MCC: variants seen among roughly 807,000 people sequenced by gnomAD.
MCC encodes the protein colorectal mutant cancer protein.
MCC carries 90 observed loss-of-function variants against 116.2 expected under a neutral mutation model. The observed-to-expected ratio is 0.77, with a 90% CI of 0.65 to 0.92. The LOEUF is 0.92. Among genes scored for constraint, MCC ranks in the 40% least tolerant of loss-of-function variants. The pLI, the probability that MCC is intolerant of heterozygous loss-of-function variation, is 0.00. For synonymous variants in MCC, 578 were observed against 510.5 expected (o/e 1.13, Z -1.78); for missense variants, 1,516 against 1,312.2 (o/e 1.16, Z -2.40).
intron 17 of MCC, among the ~76,000 whole-genome samples, chr5:113,038,552 G>A (rs924919178): frequency 8.5e-5 from 13 of 152,276 alleles, no homozygotes; most frequent in Middle Eastern, 3.4e-3. Context: ...GGGAACATCC[G>A]GATCCATTTT....
chr5:113,127,212 T>C (rs189073070), intron 5 of MCC, among the ~76,000 whole-genome samples: 1 of 152,372 alleles, frequency 6.6e-6, no homozygotes, highest in East Asian at 1.9e-4. Context: ...TAGTATTCCA[T>C]GGTATATACG....
intron 1 of MCC, among the ~76,000 whole-genome samples, chr5:113,407,440 T>C (rs893176626): frequency 6.6e-6 from 1 of 152,206 alleles, no homozygotes; most frequent in Non-Finnish European, 1.5e-5. Context: ...TACAACTGCA[T>C]CTGCAAAAAC....
intron 1 of MCC, among the ~76,000 whole-genome samples, chr5:113,465,352 T>C (rs1177591570): frequency 2.6e-5 from 4 of 152,114 alleles, no homozygotes; most frequent in African/African-American, 9.7e-5. Flanking sequence ...TTTTCTATCA[T>C]GTGCTAAAAA....
At chr5:113,123,564 C>A (rs537993485) in intron 5 of MCC, among the ~76,000 whole-genome samples, 1 of 152,182 alleles carries the variant, frequency 6.6e-6, no homozygotes, top group African/African-American at 2.4e-5. Context: ...CTCTTCTCAG[C>A]CCTTCAGAGG....
intron 3 of MCC, among the ~76,000 whole-genome samples, chr5:113,292,470 T>C (rs896129275): frequency 6.6e-6 from 1 of 152,210 alleles, no homozygotes; most frequent in Admixed American, 6.5e-5. Flanking sequence ...TTATGTCATA[T>C]ACTGCTCAAA....
rs117097427 is a variant in MCC at position 113,112,895 on chromosome 5, T to C, written c.1028-8540A>G. On this transcript the variant is annotated intron_variant, in intron 6 of 18. Transcript: ENST00000408903. Reference sequence around the variant, plus strand: ...AATCCAGTGTCAAATTTAAAACCTATCAAATGACATTATCACAGCCTGCTA... The same window carrying C: ...AATCCAGTGTCAAATTTAAAACCTACCAAATGACATTATCACAGCCTGCTA... Among the ~76,000 whole-genome samples, 32 of 152,306 alleles carry C rather than the reference T, an allele frequency of 2.1e-4. No homozygotes were observed. The East Asian group carries it at 5.4e-3, about 26-fold the overall frequency.
intron 3 of MCC, among the ~76,000 whole-genome samples, chr5:113,287,902 A>G (rs1483009939): frequency 2.6e-5 from 4 of 152,342 alleles, no homozygotes; most frequent in South Asian, 2.1e-4. Context: ...AAGCTTCCCA[A>G]TTGGTCAAAG....
chr5:113,103,186 A>G (rs939678326), intron 7 of MCC, among the ~76,000 whole-genome samples: 2 of 152,248 alleles, frequency 1.3e-5, no homozygotes, highest in Non-Finnish European at 1.5e-5. Flanking sequence ...ACTAAAAAAC[A>G]TAAGGGTACA....
intron 2 of MCC, among the ~76,000 whole-genome samples, chr5:113,367,904 C>A (rs1353718841): frequency 6.6e-6 from 1 of 152,096 alleles, no homozygotes; most frequent in Admixed American, 6.5e-5. Flanking sequence ...GACACTGCAA[C>A]CTTGCTTATC....
chr5:113,038,100 C>T (rs1487891317), intron 17 of MCC, among the ~76,000 whole-genome samples: 1 of 152,048 alleles, frequency 6.6e-6, no homozygotes, highest in African/African-American at 2.4e-5. Flanking sequence ...GGAATTATGA[C>T]CTGCTGACGA....
Position 113,335,462 on chromosome 5 carries a change from G to A in MCC, c.627+5057C>T, listed in dbSNP as rs558429984. Among the ~76,000 whole-genome samples, 2 of 151,714 alleles carry A rather than the reference G, an allele frequency of 1.3e-5. 1 individual carries two copies. The highest frequency in any genetic ancestry group is 4.9e-5 in the African/African-American group (2 of 41,070). On this transcript the variant is annotated intron_variant, in intron 3 of 18. Coordinates refer to ENST00000408903, the MANE Select transcript of MCC (RefSeq NM_001085377.2). ...TATCTAGACATTGCTATTTCATTCA[G>A]GAATTTATCTCTGCTGTATCTAGAA...
intron 14 of MCC, among the ~76,000 whole-genome samples, chr5:113,060,709 T>C (rs959273206): frequency 3.3e-5 from 5 of 152,264 alleles, no homozygotes; most frequent in Admixed American, 3.3e-4. Flanking sequence ...TCCATGTCTA[T>C]ACCTTGTTCT....
At chr5:113,373,061 C>T (rs1768877811) in intron 2 of MCC, among the ~76,000 whole-genome samples, 1 of 151,994 alleles carries the variant, frequency 6.6e-6, no homozygotes, top group South Asian at 2.1e-4. Flanking sequence ...CACCTGTAGT[C>T]TCAGCTACTC....
intron 1 of MCC, among the ~76,000 whole-genome samples, chr5:113,466,939 G>A (rs1305478762): frequency 6.6e-6 from 1 of 152,252 alleles, no homozygotes; most frequent in East Asian, 1.9e-4. Flanking sequence ...GGCCAGTGAT[G>A]ATGAGCACTT....
chr5:113,243,957 A>G (rs1466751670), intron 3 of MCC, among the ~76,000 whole-genome samples: 3 of 152,244 alleles, frequency 2.0e-5, no homozygotes, highest in African/African-American at 7.2e-5. Flanking sequence ...AATTTTGTTC[A>G]TGGAGCCATG....
chr5:113,285,250 T>C (rs1480297905), intron 3 of MCC, among the ~76,000 whole-genome samples: 1 of 152,164 alleles, frequency 6.6e-6, no homozygotes, highest in Non-Finnish European at 1.5e-5. Flanking sequence ...TGCCCTCTTC[T>C]GAAAATACCT....
intron 3 of MCC, among the ~76,000 whole-genome samples, chr5:113,274,778 G>C (rs1765761710): frequency 6.6e-6 from 1 of 152,090 alleles, no homozygotes; most frequent in African/African-American, 2.4e-5. Context: ...ATACTGGGTG[G>C]GCTATGGAAT....
Position 113,071,087 on chromosome 5 carries a change from T to TAA in MCC, c.1925+6_1925+7insTT. On this transcript the variant is annotated splice_region_variant and intron_variant, in intron 12 of 18. Transcript: ENST00000408903. Reference sequence around the variant, plus strand: ...AAGTAGCTCCAAACATCCCAGTGTGTGCCTACCTGTACTGCAAGGCCAGCC... The same window carrying TAA: ...AAGTAGCTCCAAACATCCCAGTGTGTAAGCCTACCTGTACTGCAAGGCCAGCC... The TAA allele has an allele frequency of 6.2e-7, 1 of 1,602,388 alleles. No homozygotes were observed. Among genetic ancestry groups the TAA allele is most frequent in the Non-Finnish European group, 8.5e-7 (1 of 1,175,388 alleles).
At chr5:113,223,073 T>C (rs4705804) in intron 3 of MCC, among the ~76,000 whole-genome samples, 104,903 of 152,034 alleles carry the variant, frequency 0.69, 36,804 homozygotes, top group East Asian at 0.85. Flanking sequence ...AGGACTTCAT[T>C]GACAGGGACG....
Sources: gnomAD v4.1 joint callset for allele counts (sites outside exome capture counted in the v4.1 genomes callset) on GRCh38, gnomAD v4.1.1 for gene constraint, MANE v1.5 for transcripts, NCBI Gene and HGNC (gene_info 2026-07-23, HGNC 2026-07-21) for gene names.